Variants in ACTN1 observed in about 807,000 individuals in gnomAD.
The protein encoded by ACTN1 is actinin alpha 1, also known as alpha-actinin-1.
A neutral mutation model predicts 119.6 loss-of-function variants in ACTN1; 30 were observed. The observed-to-expected ratio is 0.25, with a 90% CI of 0.19 to 0.34. ACTN1 has a LOEUF of 0.34. Among genes scored for constraint, ACTN1 ranks in the 10% least tolerant of loss-of-function variants. The pLI, the probability that ACTN1 is intolerant of heterozygous loss-of-function variation, is 1.00. For missense variants in ACTN1, 764 were observed against 1,223.4 expected (o/e 0.62, Z 5.60); for synonymous variants, 429 against 472.6 (o/e 0.91, Z 1.20).
At chr14:68,975,151 C>T (rs1240206928) in intron 1 of ACTN1, among the ~76,000 whole-genome samples, 1 of 152,246 alleles carries the variant, frequency 6.6e-6, no homozygotes, top group Non-Finnish European at 1.5e-5. Context: ...TGTGTCCCCT[C>T]TTCCTGTGAC....
chr14:68,934,622 T>G (rs2035398035), intron 1 of ACTN1, among the ~76,000 whole-genome samples: 2 of 152,298 alleles, frequency 1.3e-5, no homozygotes, highest in Admixed American at 1.3e-4. Context: ...AGACTAATAA[T>G]TCTAAATATA....
At chr14:68,977,521 G>A (rs1331240952) in intron 1 of ACTN1, 6 of 190,520 alleles carry the variant, frequency 3.1e-5, no homozygotes, top group Middle Eastern at 2.2e-3. Flanking sequence ...CTTGGGCACC[G>A]CGGCCCAGGT....
chr14:68,951,068 C>T (rs963630246), intron 1 of ACTN1, among the ~76,000 whole-genome samples: 7 of 152,202 alleles, frequency 4.6e-5, no homozygotes, highest in African/African-American at 1.2e-4. Flanking sequence ...GGCAGACGAA[C>T]GGCAGGGCAG....
chr14:68,905,834 A>G (rs2033630213), intron 6 of ACTN1, among the ~76,000 whole-genome samples: 1 of 152,114 alleles, frequency 6.6e-6, no homozygotes, highest in Non-Finnish European at 1.5e-5. Flanking sequence ...TCTGCTAAAA[A>G]TACAAAAATT....
At chr14:68,932,573 C>G (rs1182807501) in intron 1 of ACTN1, among the ~76,000 whole-genome samples, 7 of 130,792 alleles carry the variant, frequency 5.4e-5, no homozygotes, top group East Asian at 5.8e-4. Flanking sequence ...CTCTATGTTA[C>G]CCAGGCTGGT....
rs1056352420 is a variant in ACTN1, at chr14:68,909,809, G to C, written c.515+146C>G. The stretch of plus-strand genomic sequence containing the variant: ...AGACGGGGGGATTCAGAGCGATGGC[G>C]ACATCCCCTTCCCAAGGAAAGCTAC... On this transcript the variant is annotated intron_variant, in intron 5 of 21. Transcript: ENST00000394419. This position sits in a 1 kb window ranked among gnomAD's most constrained non-coding sequence, Gnocchi z 4.1. 1.8e-5 allele frequency: 12 copies of C among 666,108 alleles called. No individual in the cohort carries two copies. The highest frequency in any genetic ancestry group is 4.2e-4 in the Middle Eastern group (1 of 2,370). 41.3% of individuals were successfully genotyped at this position (666,108 alleles called of 1,614,324 possible). A position where few individuals can be genotyped will look rare whatever the true frequency, so the allele number is the denominator to read the frequency against.
At chr14:68,974,923 G>A (rs2140707473) in intron 1 of ACTN1, among the ~76,000 whole-genome samples, 1 of 152,336 alleles carries the variant, frequency 6.6e-6, no homozygotes, top group East Asian at 1.9e-4. Context: ...CCTGGCTCCA[G>A]GCCCCCAGGT....
At chr14:68,887,643 G>C in intron 11 of ACTN1, 1 of 1,269,660 alleles carries the variant, frequency 7.9e-7, no homozygotes, top group East Asian at 2.7e-5. Context: ...TAAAAAATGG[G>C]ATGAGGTGGG....
intron 1 of ACTN1, among the ~76,000 whole-genome samples, chr14:68,949,348 CA>C (rs2036053026): frequency 6.6e-6 from 1 of 152,158 alleles, no homozygotes; most frequent in South Asian, 2.1e-4. Context: ...GGACCTGGCC[CA>C]AAAAGGCCCT....
At chr14:68,944,249 C>T (rs1017254796) in intron 1 of ACTN1, among the ~76,000 whole-genome samples, 1 of 152,134 alleles carries the variant, frequency 6.6e-6, no homozygotes, top group South Asian at 2.1e-4. Context: ...TGAGAAAGAC[C>T]GATGAATAAT....
At chr14:68,969,401 A>G (rs1396710384) in intron 1 of ACTN1, among the ~76,000 whole-genome samples, 1 of 152,168 alleles carries the variant, frequency 6.6e-6, no homozygotes, top group Non-Finnish European at 1.5e-5. Context: ...TGCATCTCCC[A>G]GCTCCCAGGG....
intron 1 of ACTN1, among the ~76,000 whole-genome samples, chr14:68,966,231 T>C (rs901459110): frequency 6.6e-6 from 1 of 151,992 alleles, no homozygotes; most frequent in African/African-American, 2.4e-5. Flanking sequence ...AATAAAAAAG[T>C]AACTAATTTT....
At chr14:68,904,236 T>C (rs1350018904) in intron 7 of ACTN1, among the ~76,000 whole-genome samples, 1 of 151,944 alleles carries the variant, frequency 6.6e-6, no homozygotes, top group African/African-American at 2.4e-5. Flanking sequence ...AGCTGGGGCA[T>C]AGAGGAGATG....
intron 14 of ACTN1, chr14:68,883,310 C>G: frequency 2.2e-6 from 1 of 454,912 alleles, no homozygotes; most frequent in Non-Finnish European, 4.0e-6. Flanking sequence ...CCTCACAGGT[C>G]AGGGAGAAGG....
In ACTN1 at chr14:68,936,780, T is replaced by C. The variant is rs187708406; in HGVS notation, c.106-11108A>G. 32 of 612,094 alleles carry C rather than the reference T, an allele frequency of 5.2e-5. No homozygotes were observed. In the East Asian group the frequency reaches 1.3e-3, roughly 24 times the overall value. The allele number at this position is 612,094 out of a possible 1,614,324, so 37.9% of individuals were successfully genotyped here. A position where few individuals can be genotyped will look rare whatever the true frequency, so the allele number is the denominator to read the frequency against. On this transcript the variant is annotated intron_variant, in intron 1 of 21. Coordinates refer to ENST00000394419, the MANE Select transcript of ACTN1 (RefSeq NM_001130004.2). ...GAAAACTGAAGACCTCTTCCAGGAA[T>C]GGCTGAAGGACACTTGTGGTGCCAA...
rs1405204266 is a variant in ACTN1, at chr14:68,910,055, G to T, written c.428-13C>A. On this transcript the variant is annotated splice_polypyrimidine_tract_variant and intron_variant, in intron 4 of 21. Coordinates refer to ENST00000394419, the MANE Select transcript of ACTN1 (RefSeq NM_001130004.2). ...TTGGCTGAAGTCTCTATGGGGAAGG[G>T]GATGGGCAGCGAGGTCAGAGGGCTG... The T allele has an allele frequency of 1.9e-6, 3 of 1,611,168 alleles. No homozygotes were observed. The highest frequency in any genetic ancestry group is 2.5e-6 in the Non-Finnish European group (3 of 1,178,122).
At chr14:68,968,560 G>A (rs1334303823) in intron 1 of ACTN1, among the ~76,000 whole-genome samples, 1 of 152,234 alleles carries the variant, frequency 6.6e-6, no homozygotes, top group Non-Finnish European at 1.5e-5. Flanking sequence ...ACCAAACTTG[G>A]AACAGCGGTT....
rs764187907 is a variant in ACTN1 at position 68,904,758 on chromosome 14, G to A, written c.595-22C>T. Reference sequence around the variant, plus strand: ...CATCCTAGAGGGAGAAAAGGAGGAAGGGATGATAAAGTGAGAGCCACCACA... The same window carrying A: ...CATCCTAGAGGGAGAAAAGGAGGAAAGGATGATAAAGTGAGAGCCACCACA... On this transcript the variant is annotated intron_variant, in intron 6 of 21. Coordinates refer to ENST00000394419, the MANE Select transcript of ACTN1 (RefSeq NM_001130004.2). 7.5e-6 allele frequency: 12 copies of A among 1,604,794 alleles called. No homozygotes were observed. The Admixed American group carries it at 1.2e-4, about 16-fold the overall frequency.
At chr14:68,959,267 C>A (rs955979848) in intron 1 of ACTN1, among the ~76,000 whole-genome samples, 1 of 152,226 alleles carries the variant, frequency 6.6e-6, no homozygotes, top group Non-Finnish European at 1.5e-5. Flanking sequence ...ATTGCCTCAG[C>A]TCCCCACAGA....
Sources: allele counts gnomAD v4.1 joint callset (sites outside exome capture counted in the v4.1 genomes callset), GRCh38; gene constraint gnomAD v4.1.1; non-coding constraint Gnocchi (gnomAD v3.1); transcripts MANE v1.5; gene names NCBI Gene and HGNC (gene_info 2026-07-23, HGNC 2026-07-21).